Variants in ERBIN observed in about 807,000 individuals in gnomAD.
ERBIN encodes the protein densin-180-like protein.
Under a neutral mutation model 158.4 loss-of-function variants are expected in ERBIN, and 60 were observed. That is an observed-to-expected ratio of 0.38 (90% CI 0.31 to 0.47). The LOEUF is 0.47. Ranked by LOEUF, ERBIN falls within the 20% of genes least tolerant of loss-of-function variation. The pLI is 0.99. For synonymous variants in ERBIN, 594 were observed against 557.2 expected (o/e 1.07, Z -0.93); for missense variants, 1,610 against 1,648.0 (o/e 0.98, Z 0.40).
In ERBIN at chr5:65,926,754, C is replaced by A. The variant is rs1742698233; in HGVS notation, c.-110C>A. 6.6e-6 allele frequency: 1 copy of A among 152,060 alleles called. No individual in the cohort carries two copies. Among genetic ancestry groups the A allele is most frequent in the South Asian group, 2.1e-4 (1 of 4,820 alleles). 9.4% of individuals were successfully genotyped at this position (152,060 alleles called of 1,614,324 possible). A position where few individuals can be genotyped will look rare whatever the true frequency, so the allele number is the denominator to read the frequency against. On this transcript the variant is annotated 5_prime_UTR_variant, in exon 1 of 26. The change creates a premature stop within an existing upstream ORF in the 5' untranslated region. Coordinates refer to ENST00000284037, the MANE Select transcript of ERBIN (RefSeq NM_001253697.2). Reference sequence around the variant, plus strand: ...AAGTGACTGATGAAGGGAAGGAAATCATGTCAAGCGAAGCCTTGAAAAAGC... The same window carrying A: ...AAGTGACTGATGAAGGGAAGGAAATAATGTCAAGCGAAGCCTTGAAAAAGC...
At chr5:66,077,106 G>T (rs1308923343) in intron 25 of ERBIN, among the ~76,000 whole-genome samples, 157 bp downstream of exon 25, 2 of 148,172 alleles carry the variant, frequency 1.3e-5, no homozygotes, top group East Asian at 3.9e-4. Flanking sequence ...AGCCGAGATC[G>T]CGCCACTGTA....
chr5:65,987,494 T>C (rs749181003), intron 1 of ERBIN, among the ~76,000 whole-genome samples: 3 of 151,788 alleles, frequency 2.0e-5, no homozygotes, highest in Non-Finnish European at 4.4e-5. Flanking sequence ...CCCAGGAGGT[T>C]GAGGCTGAAG....
chr5:66,000,980 A>G (rs1752961111), intron 4 of ERBIN, among the ~76,000 whole-genome samples: 1 of 152,026 alleles, frequency 6.6e-6, no homozygotes, highest in Non-Finnish European at 1.5e-5. Context: ...CAACCCTAAT[A>G]TGTATGTTTG....
intron 1 of ERBIN, among the ~76,000 whole-genome samples, chr5:65,950,189 T>G (rs1746330380): frequency 6.6e-6 from 1 of 152,114 alleles, no homozygotes; most frequent in Non-Finnish European, 1.5e-5. Flanking sequence ...GTATGTTTAG[T>G]AGAGACGGGA....
chr5:65,996,414 G>T (rs940330080), intron 4 of ERBIN, among the ~76,000 whole-genome samples: 1 of 151,972 alleles, frequency 6.6e-6, no homozygotes, highest in African/African-American at 2.4e-5. Context: ...TTTACCCATT[G>T]TGTGTTCTTG....
rs1264100493 is a variant in ERBIN, at chr5:66,054,235, G to T, written c.2917G>T (p.Gly973Cys). ...SGPQSAPQIY[G>C]PPQYNIQYSS... The stretch of plus-strand genomic sequence containing the variant: ...CCCACAATCTGCACCTCAAATATAT[G>T]GTCCTCCACAGTATAATATCCAATA... Residue 973 changes from glycine (G) to cysteine (C), a missense_variant, in exon 21 of 26, where the codon GGT becomes TGT. By Grantham distance (159) the Gly-to-Cys change is radical. Around this residue, in one of 2 missense-constraint regions of ERBIN, gnomAD observed 1,014 missense variants for 936.1 expected, o/e 1.08. Transcript: ENST00000284037. 4 of 1,613,912 alleles carry T rather than the reference G, an allele frequency of 2.5e-6. No homozygotes were observed. In the Admixed American group the frequency reaches 6.7e-5, roughly 27 times the overall value.
chr5:65,982,653 T>G (rs251610), intron 1 of ERBIN, among the ~76,000 whole-genome samples: 111,584 of 151,114 alleles, frequency 0.74, 42,700 homozygotes, highest in Non-Finnish European at 0.86. Flanking sequence ...AACCAGATAC[T>G]GCAATTACAT....
At chr5:65,943,535 C>CT (rs957376667) in intron 1 of ERBIN, among the ~76,000 whole-genome samples, 2 of 152,266 alleles carry the variant, frequency 1.3e-5, no homozygotes, top group African/African-American at 4.8e-5. Flanking sequence ...CCCATCATTA[C>CT]TTTTTTTAAG....
intron 1 of ERBIN, among the ~76,000 whole-genome samples, chr5:65,981,999 C>T (rs1750712612): frequency 6.6e-6 from 1 of 152,176 alleles, no homozygotes; most frequent in Admixed American, 6.5e-5. Context: ...GTTTTTCAGT[C>T]TACAGTGGTT....
chr5:65,934,097 C>T (rs774925002), intron 1 of ERBIN, among the ~76,000 whole-genome samples: 5 of 152,070 alleles, frequency 3.3e-5, no homozygotes, highest in African/African-American at 9.7e-5. Flanking sequence ...GGGGTTTCAC[C>T]GTGTTAGCCA....
intron 23 of ERBIN, chr5:66,075,986 CAT>C (rs1222979865): frequency 1.8e-5 from 4 of 221,090 alleles, no homozygotes; most frequent in African/African-American, 9.3e-5. Flanking sequence ...TAATAATATA[CAT>C]GTTTTGTGTT....
intron 1 of ERBIN, among the ~76,000 whole-genome samples, chr5:65,929,578 T>A (rs1044725375): frequency 1.3e-5 from 2 of 152,108 alleles, no homozygotes; most frequent in African/African-American, 4.8e-5. Context: ...TGCTTCCGTT[T>A]TCTTTTTCTG....
intron 1 of ERBIN, among the ~76,000 whole-genome samples, chr5:65,980,587 G>A (rs7737975): frequency 0.04 from 6,095 of 152,036 alleles, 415 homozygotes; most frequent in African/African-American, 0.14. Context: ...CCTACAAATG[G>A]GTACTTGAAA....
chr5:65,980,203 G>A (rs1201463787), intron 1 of ERBIN, among the ~76,000 whole-genome samples: 1 of 152,176 alleles, frequency 6.6e-6, no homozygotes. Flanking sequence ...ATCACTTGAG[G>A]TCAGGAGTTC....
Position 65,958,403 on chromosome 5 carries a change from G to C in ERBIN, c.-57-30232G>C, listed in dbSNP as rs567335596. 1.0e-3 allele frequency among the ~76,000 whole-genome samples: 153 copies of C among 152,350 alleles called. No individual in the cohort carries two copies. In the Middle Eastern group the frequency reaches 0.01, roughly 10 times the overall value. ...GGAGGCGGAGGCTGGCAGATCACTCGCGGTTAGGAGCTGGAGACCAGCCCG... is the reference window on the plus strand; with the variant it reads ...GGAGGCGGAGGCTGGCAGATCACTCCCGGTTAGGAGCTGGAGACCAGCCCG... On this transcript the variant is annotated intron_variant, in intron 1 of 25. Transcript: ENST00000284037.
chr5:66,055,898 G>T (rs1476453121), intron 21 of ERBIN, among the ~76,000 whole-genome samples: 4 of 152,054 alleles, frequency 2.6e-5, no homozygotes, highest in Non-Finnish European at 5.9e-5. Flanking sequence ...TCTTTTTAGT[G>T]CAGTCCTCAA....
At chr5:65,956,520 C>G (rs1036606539) in intron 1 of ERBIN, among the ~76,000 whole-genome samples, 2 of 151,054 alleles carry the variant, frequency 1.3e-5, no homozygotes, top group Admixed American at 1.3e-4. Flanking sequence ...CACTCGCCAC[C>G]ACACACGCCC....
intron 4 of ERBIN, 111 bp downstream of exon 4, chr5:65,994,975 T>A (rs1752263322): frequency 4.4e-6 from 3 of 679,488 alleles, no homozygotes; most frequent in Non-Finnish European, 7.5e-6. Context: ...ATCTAATGTA[T>A]TAATATGAAC....
intron 16 of ERBIN, 128 bp downstream of exon 16, chr5:66,043,326 A>AGGAC: frequency 1.1e-6 from 1 of 884,552 alleles, no homozygotes; most frequent in Non-Finnish European, 1.7e-6. Flanking sequence ...AAGGCACTTG[A>AGGAC]AGTGTTATTG....
Sources: gnomAD v4.1 joint callset for allele counts (sites outside exome capture counted in the v4.1 genomes callset) on GRCh38, gnomAD v4.1.1 for gene constraint, gnomAD v4.1.1 regional missense constraint, MANE v1.5 for transcripts, NCBI Gene and HGNC (gene_info 2026-07-23, HGNC 2026-07-21) for gene names.